The following EXOC4 variants were observed in gnomAD, a reference collection of about 807,000 sequenced individuals.
The protein encoded by EXOC4 is SEC8-like 1.
EXOC4 carries 71 observed loss-of-function variants against 107.2 expected under a neutral mutation model. The ratio of observed to expected loss-of-function variants is 0.66; its 90% CI spans 0.55 to 0.81. EXOC4 has a LOEUF of 0.81. Among genes scored for constraint, EXOC4 ranks in the 30% least tolerant of loss-of-function variants. The pLI is 0.00. For missense variants in EXOC4, 1,108 were observed against 1,189.6 expected (o/e 0.93, Z 1.01); for synonymous variants, 456 against 441.2 (o/e 1.03, Z -0.42).
At chr7:133,808,044 A>G (rs1204674357) in intron 10 of EXOC4, among the ~76,000 whole-genome samples, 1 of 152,108 alleles carries the variant, frequency 6.6e-6, no homozygotes, top group East Asian at 1.9e-4. Context: ...CCAGACATGA[A>G]TTGCACACAT....
intron 12 of EXOC4, among the ~76,000 whole-genome samples, chr7:133,909,397 G>A (rs961477875): frequency 3.9e-5 from 6 of 152,184 alleles, no homozygotes; most frequent in African/African-American, 1.4e-4. Flanking sequence ...AGTAGGTTCA[G>A]GGAAGACGCC....
At chr7:133,658,592 T>TG (rs1803357557) in intron 10 of EXOC4, among the ~76,000 whole-genome samples, 2 of 152,268 alleles carry the variant, frequency 1.3e-5, no homozygotes, top group South Asian at 4.1e-4. Flanking sequence ...GCTATGTCTT[T>TG]GGGGTAACGC....
At chr7:133,751,600 T>C (rs1303729250) in intron 10 of EXOC4, among the ~76,000 whole-genome samples, 1 of 152,188 alleles carries the variant, frequency 6.6e-6, no homozygotes, top group Non-Finnish European at 1.5e-5. Flanking sequence ...CAAATCTCCA[T>C]GTATAGCAGC....
chr7:133,984,571 A>T (rs899632904), intron 14 of EXOC4, among the ~76,000 whole-genome samples: 1 of 152,228 alleles, frequency 6.6e-6, no homozygotes, highest in Non-Finnish European at 1.5e-5. Flanking sequence ...AATTCAACAA[A>T]CATTATCAGC....
intron 9 of EXOC4, among the ~76,000 whole-genome samples, chr7:133,487,001 G>A (rs1799280835): frequency 1.3e-5 from 2 of 152,124 alleles, no homozygotes; most frequent in South Asian, 2.1e-4. Flanking sequence ...CTTAATTGAT[G>A]TAGACATTTA....
chr7:133,591,354 G>C (rs571065557), intron 9 of EXOC4, among the ~76,000 whole-genome samples: 1 of 152,112 alleles, frequency 6.6e-6, no homozygotes, highest in African/African-American at 2.4e-5. Context: ...TTTGATGTTC[G>C]TTCTTGCCTC....
intron 9 of EXOC4, among the ~76,000 whole-genome samples, chr7:133,589,300 C>T (rs574361195): frequency 6.6e-6 from 1 of 152,184 alleles, no homozygotes; most frequent in Non-Finnish European, 1.5e-5. Context: ...CAGATGGTAT[C>T]GTTCTTTGGC....
At chr7:133,950,803 A>G (rs986769094) in intron 14 of EXOC4, among the ~76,000 whole-genome samples, 37 of 152,178 alleles carry the variant, frequency 2.4e-4, no homozygotes, top group African/African-American at 7.7e-4. Flanking sequence ...AAAGAAAAAT[A>G]TTTGCTCAAA....
intron 14 of EXOC4, among the ~76,000 whole-genome samples, chr7:133,939,351 C>A (rs1800375451): frequency 6.6e-6 from 1 of 152,106 alleles, no homozygotes; most frequent in South Asian, 2.1e-4. Context: ...TAAGGAACCC[C>A]TTGAGTGCTC....
intron 11 of EXOC4, among the ~76,000 whole-genome samples, chr7:133,869,572 G>T (rs959016481): frequency 6.6e-6 from 1 of 152,156 alleles, no homozygotes; most frequent in African/African-American, 2.4e-5. Context: ...AGGTGCTCAA[G>T]AAATATTCAC....
intron 9 of EXOC4, among the ~76,000 whole-genome samples, chr7:133,496,631 T>G (rs2150881461): frequency 6.6e-6 from 1 of 152,334 alleles, no homozygotes; most frequent in Non-Finnish European, 1.5e-5. Context: ...TCTCCTCTCT[T>G]TCAACTTTTT....
chr7:133,812,463 A>T (rs1424783505), intron 10 of EXOC4, among the ~76,000 whole-genome samples: 1 of 151,558 alleles, frequency 6.6e-6, no homozygotes, highest in Non-Finnish European at 1.5e-5. Flanking sequence ...TCTCTTGACC[A>T]CTCTCCTTCT....
At chr7:133,856,040 A>G (rs1431969468) in intron 11 of EXOC4, among the ~76,000 whole-genome samples, 2 of 152,214 alleles carry the variant, frequency 1.3e-5, no homozygotes, top group Non-Finnish European at 2.9e-5. Context: ...GGAACACGTA[A>G]AAGTACTTTA....
At chr7:133,484,941 G>A (rs866846095) in intron 9 of EXOC4, among the ~76,000 whole-genome samples, 15 of 151,546 alleles carry the variant, frequency 9.9e-5, no homozygotes, top group Middle Eastern at 3.4e-3. Flanking sequence ...TTAGCCTGGC[G>A]TGGTGGCGGA....
rs140335530 is a variant in EXOC4 at position 134,041,167 on chromosome 7, G to A, written c.2688-23124G>A. Among the ~76,000 whole-genome samples the A allele has an allele frequency of 8.7e-3, 1,328 of 152,226 alleles. 27 individuals are homozygous for A. Among genetic ancestry groups the A allele is most frequent in the African/African-American group, 0.029 (1,219 of 41,516 alleles). ...CCATTGTAACTGCTGTTCCCAAAGC[G>A]TAACATAAACTGCTTTAGTCAGCAA... On this transcript the variant is annotated intron_variant, in intron 17 of 17. Transcript: ENST00000253861.
At chr7:133,743,212 C>T (rs988250120) in intron 10 of EXOC4, among the ~76,000 whole-genome samples, 2 of 152,128 alleles carry the variant, frequency 1.3e-5, no homozygotes, top group Non-Finnish European at 2.9e-5. Context: ...GGTAATTAGG[C>T]TAAAGCTGCT....
rs562977276 is a variant in EXOC4, at chr7:134,058,317, C to G, written c.2688-5974C>G. On this transcript the variant is annotated intron_variant, in intron 17 of 17. Transcript: ENST00000253861. Reference sequence around the variant, plus strand: ...TCACTTGTTGACATTAATACTAGAGCTTTATCTTGGGAAGGACTACAAGAG... The same window carrying G: ...TCACTTGTTGACATTAATACTAGAGGTTTATCTTGGGAAGGACTACAAGAG... 8.5e-5 allele frequency among the ~76,000 whole-genome samples: 13 copies of G among 152,290 alleles called. 1 individual carries two copies. The South Asian group carries it at 2.7e-3, about 32-fold the overall frequency.
chr7:133,304,597 G>C (rs1794711718), intron 3 of EXOC4, among the ~76,000 whole-genome samples: 1 of 152,120 alleles, frequency 6.6e-6, no homozygotes, highest in African/African-American at 2.4e-5. Context: ...ATTTCAGGCT[G>C]GTTTATATTT....
chr7:133,918,814 C>A (rs1044859033), intron 13 of EXOC4, among the ~76,000 whole-genome samples: 1 of 152,066 alleles, frequency 6.6e-6, no homozygotes, highest in Non-Finnish European at 1.5e-5. Context: ...ATATTATCTT[C>A]TTTTGCCTAA....
Sources: gnomAD v4.1 joint callset for allele counts (sites outside exome capture counted in the v4.1 genomes callset) on GRCh38, gnomAD v4.1.1 for gene constraint, MANE v1.5 for transcripts, NCBI Gene and HGNC (gene_info 2026-07-23, HGNC 2026-07-21) for gene names.